SMARCA2: variants seen among roughly 807,000 people sequenced by gnomAD.
The protein encoded by SMARCA2 is SWI/SNF related BAF chromatin remodeling complex subunit ATPase 2.
SMARCA2 carries 61 observed loss-of-function variants against 199.8 expected under a neutral mutation model. The observed-to-expected ratio is 0.31, with a 90% CI of 0.25 to 0.38. SMARCA2 has a LOEUF of 0.38. SMARCA2 is among the 10% of genes least tolerant of loss of function. The pLI is 1.00. For missense variants in SMARCA2, 1,344 were observed against 2,012.2 expected (o/e 0.67, Z 6.35); for synonymous variants, 935 against 732.0 (o/e 1.28, Z -4.48).
chr9:2,166,279 G>A (rs1825926452), intron 28 of SMARCA2, among the ~76,000 whole-genome samples: 1 of 152,096 alleles, frequency 6.6e-6, no homozygotes, highest in Admixed American at 6.6e-5. Context: ...GGGGTATTCT[G>A]ATCATTAATT....
chr9:2,128,218 A>C (rs567004282), intron 27 of SMARCA2, among the ~76,000 whole-genome samples: 5 of 152,320 alleles, frequency 3.3e-5, no homozygotes, highest in African/African-American at 1.2e-4. Context: ...CTTGCTCCCC[A>C]TGGGTCTCCA....
intron 29 of SMARCA2, among the ~76,000 whole-genome samples, chr9:2,177,830 G>C (rs956904590): frequency 6.6e-6 from 1 of 152,196 alleles, no homozygotes; most frequent in Admixed American, 6.5e-5. Flanking sequence ...GGGATTACAG[G>C]CATGAGCCAC....
chr9:2,023,892 G>A (rs1405941339), intron 1 of SMARCA2, among the ~76,000 whole-genome samples: 1 of 152,204 alleles, frequency 6.6e-6, no homozygotes, highest in Non-Finnish European at 1.5e-5. Flanking sequence ...GACATAAAAA[G>A]AACTCTTATC....
chr9:2,097,883 G>A (rs547772210), intron 21 of SMARCA2, among the ~76,000 whole-genome samples: 1 of 152,208 alleles, frequency 6.6e-6, no homozygotes, highest in African/African-American at 2.4e-5. Context: ...CTTCTAAAGA[G>A]AAAGATTTTC....
At chr9:2,132,123 A>G (rs1466576398) in intron 27 of SMARCA2, among the ~76,000 whole-genome samples, 1 of 152,142 alleles carries the variant, frequency 6.6e-6, no homozygotes, top group Non-Finnish European at 1.5e-5. Flanking sequence ...ACACAGGAAA[A>G]GGCAGACAAA....
chr9:2,053,554 C>A (rs375030869), intron 5 of SMARCA2, among the ~76,000 whole-genome samples: 1 of 152,068 alleles, frequency 6.6e-6, no homozygotes, highest in African/African-American at 2.4e-5. Context: ...CTTACAGAGG[C>A]GTGTCTGTGT....
chr9:2,047,302 G>C lies in SMARCA2; in HGVS notation c.864G>C (p.Ser288=). ...TGCCCGCGCCCGGCGGCCGGCCCTCGCCCGCGCCCCCCGCAGCCGCGCAGC... is the reference window on the plus strand; with the variant it reads ...TGCCCGCGCCCGGCGGCCGGCCCTCCCCCGCGCCCCCCGCAGCCGCGCAGC... ...LPVPAPGGRP[S]PAPPAAAQPP... is the part of the protein sequence containing the mutation. The change falls in exon 5 of 34, where the codon TCG becomes TCC. Residue 288 remains serine (S), a synonymous_variant. Transcript: ENST00000349721. The C allele has an allele frequency of 2.0e-6, 2 of 994,980 alleles. No homozygotes were observed. Among genetic ancestry groups the C allele is most frequent in the Non-Finnish European group, 2.4e-6 (2 of 836,480 alleles). 61.6% of individuals were successfully genotyped at this position (994,980 alleles called of 1,614,324 possible).
chr9:2,135,108 C>T (rs1193704077), intron 27 of SMARCA2, among the ~76,000 whole-genome samples: 4 of 152,170 alleles, frequency 2.6e-5, no homozygotes, highest in Non-Finnish European at 4.4e-5. Context: ...GAGTCCAAGT[C>T]TGAAGGACTG....
chr9:2,135,154 T>C (rs1428974679), intron 27 of SMARCA2, among the ~76,000 whole-genome samples: 1 of 152,182 alleles, frequency 6.6e-6, no homozygotes, highest in East Asian at 1.9e-4. Flanking sequence ...GTATAAATCC[T>C]GGATTACGAA....
intron 1 of SMARCA2, among the ~76,000 whole-genome samples, chr9:2,023,237 C>A (rs1818683128): frequency 6.6e-6 from 1 of 152,114 alleles, no homozygotes; most frequent in Non-Finnish European, 1.5e-5. Flanking sequence ...TTTTGTTGTG[C>A]ACAGAGCTGC....
rs559720802 is a variant in SMARCA2, at chr9:2,115,475, T to C, written c.3457-347T>C. On this transcript the variant is annotated intron_variant, in intron 24 of 33. Coordinates refer to ENST00000349721, the MANE Select transcript of SMARCA2 (RefSeq NM_003070.5). The surrounding 1 kb of genome is among the most constrained non-coding windows in gnomAD (Gnocchi z 6.0). ...AACTTAAGGTTAGTTGTAGGTGTTA[T>C]GTAAGTCATAATTCTGACATTGGAC... is the stretch of plus-strand genomic sequence containing the variant. Among the ~76,000 whole-genome samples, 2 of 152,358 alleles carry C rather than the reference T, an allele frequency of 1.3e-5. No homozygotes were observed. Among genetic ancestry groups the C allele is most frequent in the African/African-American group, 2.4e-5 (1 of 41,588 alleles).
rs188751494 is a variant in SMARCA2 at position 2,107,024 on chromosome 9, A to G, written c.3292+2855A>G. On this transcript the variant is annotated intron_variant, in intron 23 of 33. Coordinates refer to ENST00000349721, the MANE Select transcript of SMARCA2 (RefSeq NM_003070.5). ...TATTGAGCACGTTAAATCTTGAGCC[A>G]CTTGCAAGGAGTGTCTGCCTTTGGA... Among the ~76,000 whole-genome samples the G allele has an allele frequency of 5.9e-5, 9 of 152,278 alleles. No individual in the cohort carries two copies. The East Asian group carries it at 1.7e-3, about 29-fold the overall frequency.
chr9:2,069,514 G>C (rs1034384943), intron 9 of SMARCA2, among the ~76,000 whole-genome samples: 3 of 151,402 alleles, frequency 2.0e-5, no homozygotes, highest in African/African-American at 4.8e-5. Context: ...AGCCGAGATC[G>C]GGCCACCGCA....
At position 2,039,744 on chromosome 9, in the gene SMARCA2, T is replaced by C. The variant is rs1326207345; in HGVS notation, c.634T>C (p.Leu212=). ...GCTTGCAGTCCAGGGGAAAAGGACG[T>C]TGCCTGGCTTGCAGCAACAACAGCA... is the stretch of plus-strand genomic sequence containing the variant. ...LQLAVQGKRT[L]PGLQQQQQQQ... is the part of the protein sequence containing the mutation. The change falls in exon 4 of 34, where the codon TTG becomes CTG. Residue 212 remains leucine (L), a synonymous_variant. Coordinates refer to ENST00000349721, the MANE Select transcript of SMARCA2 (RefSeq NM_003070.5). The surrounding 1 kb of genome is among the most constrained non-coding windows in gnomAD (Gnocchi z 4.8). The C allele has an allele frequency of 6.2e-7, 1 of 1,613,802 alleles. No homozygotes were observed. Among genetic ancestry groups the C allele is most frequent in the East Asian group, 2.2e-5 (1 of 44,860 alleles).
chr9:2,183,038 ACCTCAG>A, intron 31 of SMARCA2, among the ~76,000 whole-genome samples: 1 of 151,658 alleles, frequency 6.6e-6, no homozygotes, highest in South Asian at 2.1e-4. Context: ...TGATCTGCCC[ACCTCAG>A]CCTCCCAAAG....
chr9:2,149,245 T>C (rs145669411), intron 27 of SMARCA2, among the ~76,000 whole-genome samples: 1,806 of 151,262 alleles, frequency 0.012, 56 homozygotes, highest in African/African-American at 0.042. Flanking sequence ...TGGCTGGGTG[T>C]GGTGGCTCAC....
intron 8 of SMARCA2, among the ~76,000 whole-genome samples, chr9:2,059,397 A>G (rs926827885): frequency 1.1e-4 from 17 of 152,170 alleles, no homozygotes; most frequent in Admixed American, 2.6e-4. Flanking sequence ...AGGTACTACT[A>G]CATCTTACTA....
intron 25 of SMARCA2, among the ~76,000 whole-genome samples, chr9:2,117,478 G>A (rs1350818004): frequency 6.6e-6 from 1 of 152,122 alleles, no homozygotes; most frequent in African/African-American, 2.4e-5. Context: ...AAATTGTCAG[G>A]TGATTTTTTT....
intron 10 of SMARCA2, among the ~76,000 whole-genome samples, chr9:2,072,564 A>C (rs1264437688): frequency 6.6e-6 from 1 of 152,250 alleles, no homozygotes; most frequent in Non-Finnish European, 1.5e-5. Flanking sequence ...CCAGCCACTC[A>C]TGAGATGACA....
Sources: allele counts gnomAD v4.1 joint callset (sites outside exome capture counted in the v4.1 genomes callset), GRCh38; gene constraint gnomAD v4.1.1; non-coding constraint Gnocchi (gnomAD v3.1); transcripts MANE v1.5; gene names NCBI Gene and HGNC (gene_info 2026-07-23, HGNC 2026-07-21).